Variants in IFNLR1 observed in about 807,000 individuals in gnomAD.
IFNLR1 encodes the protein interferon lambda receptor 1, also known as CRF2-12.
A neutral mutation model predicts 52.5 loss-of-function variants in IFNLR1; 28 were observed. The observed-to-expected ratio is 0.53, with a 90% confidence interval of 0.40 to 0.73. The LOEUF is 0.73. Among genes scored for constraint, IFNLR1 ranks in the 30% least tolerant of loss-of-function variants. The probability of loss-of-function intolerance (pLI) is 0.00; values close to 1 mark genes in which losing one functional copy is unlikely to be tolerated. For missense variants in IFNLR1, 623 were observed against 659.1 expected (o/e 0.95, Z 0.60); for synonymous variants, 276 against 274.9 (o/e 1.00, Z -0.04).
intron 3 of IFNLR1, among the ~76,000 whole-genome samples, chr1:24,164,989 C>T (rs1354361527): frequency 6.6e-6 from 1 of 152,156 alleles, no homozygotes; most frequent in African/African-American, 2.4e-5. Flanking sequence ...TCTCAAACTC[C>T]TGACCTCAGG....
At position 24,157,518 on chromosome 1, in the gene IFNLR1, C is replaced by CT. The variant is rs774236929; in HGVS notation, c.1174dup (p.Ser392LysfsTer18). ...CCTGTCCCAGGAGGAGTCCACAGTGCTGGCCCAGCTTCTGTCTGAAGAATC... is the reference window on the plus strand; with the variant it reads ...CCTGTCCCAGGAGGAGTCCACAGTGCTTGGCCCAGCTTCTGTCTGAAGAATC... On this transcript the variant is annotated frameshift_variant, in exon 7 of 7. Coordinates refer to ENST00000327535, the MANE Select transcript of IFNLR1 (RefSeq NM_170743.4). LOFTEE classifies it high-confidence loss of function. This position sits in a 1 kb window ranked among gnomAD's most constrained non-coding sequence, Gnocchi z 5.1. 6.2e-7 allele frequency: 1 copy of CT among 1,611,394 alleles called. No individual in the cohort carries two copies.
chr1:24,166,193 CCA>C (rs1416682804), intron 3 of IFNLR1, among the ~76,000 whole-genome samples: 5 of 151,870 alleles, frequency 3.3e-5, no homozygotes, highest in African/African-American at 1.2e-4. Flanking sequence ...ATCCATCCAT[CCA>C]TCCATCCATC....
rs550470036 is a variant in IFNLR1, at chr1:24,154,938, T to G, written c.*2192A>C. 1 of 152,286 alleles carries G rather than the reference T, an allele frequency of 6.6e-6. No homozygotes were observed. Among genetic ancestry groups the G allele is most frequent in the African/African-American group, 2.4e-5 (1 of 41,544 alleles). The allele number at this position is 152,286 out of a possible 1,614,324, so 9.4% of individuals were successfully genotyped here. A position where few individuals can be genotyped will look rare whatever the true frequency, so the allele number is the denominator to read the frequency against. ...CAAAACAAAACAAAAATGGTAAGGT[T>G]TAAGAATAGAAACGGAGTGGTTATT... On this transcript the variant is annotated 3_prime_UTR_variant, in exon 7 of 7. Coordinates refer to ENST00000327535, the MANE Select transcript of IFNLR1 (RefSeq NM_170743.4).
intron 2 of IFNLR1, among the ~76,000 whole-genome samples, chr1:24,172,189 A>G (rs1644587843): frequency 6.6e-6 from 1 of 152,244 alleles, no homozygotes; most frequent in Non-Finnish European, 1.5e-5. Context: ...ATCACCAAAT[A>G]ACACAAATGA....
chr1:24,178,492 C>T (rs955333286), intron 2 of IFNLR1, among the ~76,000 whole-genome samples: 8 of 152,064 alleles, frequency 5.3e-5, no homozygotes, highest in South Asian at 2.1e-4. Context: ...AACATCTTGT[C>T]GTAATGGACA....
At chr1:24,179,127 TTTG>T (rs1402521567) in intron 2 of IFNLR1, among the ~76,000 whole-genome samples, 1 of 151,952 alleles carries the variant, frequency 6.6e-6, no homozygotes, top group Non-Finnish European at 1.5e-5. Flanking sequence ...ATTTTTTTTT[TTTG>T]TAGAGACAGG....
chr1:24,157,597 C>T lies in IFNLR1; in HGVS notation c.1096G>A (p.Asp366Asn). Reference sequence around the variant, plus strand: ...AGAGGAGCCCTGGGCCTCCCTGAGTCCACCCCACCAGCCTCCGAGTGCCCT... The same window carrying T: ...AGAGGAGCCCTGGGCCTCCCTGAGTTCACCCCACCAGCCTCCGAGTGCCCT... The part of the protein sequence containing the change: ...APGHSEAGGV[D>N]SGRPRAPLVP... The change falls in exon 7 of 7, where the codon GAC (aspartate) becomes AAC (asparagine). Residue 366 changes from aspartate (D) to asparagine (N), a missense_variant. By Grantham distance (23) the Asp-to-Asn change is conservative. Transcript: ENST00000327535. This position sits in a 1 kb window ranked among gnomAD's most constrained non-coding sequence, Gnocchi z 5.1. 6.2e-7 allele frequency: 1 copy of T among 1,610,736 alleles called. No homozygotes were observed. The highest frequency in any genetic ancestry group is 8.5e-7 in the Non-Finnish European group (1 of 1,178,540).
At chr1:24,173,548 C>T (rs1259727544) in intron 2 of IFNLR1, among the ~76,000 whole-genome samples, 1 of 152,128 alleles carries the variant, frequency 6.6e-6, no homozygotes, top group Non-Finnish European at 1.5e-5. Context: ...TAATAGTACA[C>T]ATTCATTACC....
At chr1:24,167,575 G>A (rs1644532324) in intron 3 of IFNLR1, among the ~76,000 whole-genome samples, 1 of 152,042 alleles carries the variant, frequency 6.6e-6, no homozygotes, top group South Asian at 2.1e-4. Flanking sequence ...AGTAGAGACA[G>A]GGTTTCACCA....
intron 2 of IFNLR1, among the ~76,000 whole-genome samples, chr1:24,174,700 A>C (rs1446281180): frequency 6.6e-6 from 1 of 152,208 alleles, no homozygotes; most frequent in African/African-American, 2.4e-5. Flanking sequence ...AAAGACATAA[A>C]CTTGGATGCT....
Position 24,187,203 on chromosome 1 carries a change from G to A in IFNLR1, c.46C>T (p.Gln16Ter). Residue 16 changes from glutamine to a stop codon, truncating the protein, a stop_gained, in exon 1 of 7, where the codon CAG becomes TAG. Transcript: ENST00000327535. LOFTEE classifies it high-confidence loss of function. ...CCCGCGCCCTTACCTGGAGCGGCCTGCAGCAGGCACAGGAGCAGGGGGCCC... is the reference window on the plus strand; with the variant it reads ...CCCGCGCCCTTACCTGGAGCGGCCTACAGCAGGCACAGGAGCAGGGGGCCC... ...RWGPLLLCLL[Q>*]AAPGRPRLAP... is the part of the protein sequence containing the mutation. 7.5e-7 allele frequency: 1 copy of A among 1,339,750 alleles called. No individual in the cohort carries two copies. Among genetic ancestry groups the A allele is most frequent in the Non-Finnish European group, 9.6e-7 (1 of 1,046,062 alleles). 83.0% of individuals were successfully genotyped at this position (1,339,750 alleles called of 1,614,324 possible). A position where few individuals can be genotyped will look rare whatever the true frequency, so the allele number is the denominator to read the frequency against.
Position 24,169,603 on chromosome 1 carries a change from T to G in IFNLR1, c.183-2A>C. On this transcript the variant is annotated splice_acceptor_variant, in intron 2 of 6. Transcript: ENST00000327535. LOFTEE classifies it high-confidence loss of function. The stretch of plus-strand genomic sequence containing the variant: ...CGCCACCGTCTACGGGTGGGAGAGC[T>G]GGGGGAGGAGAGAGGAGAGCTTGGG... The G allele has an allele frequency of 6.2e-7, 1 of 1,612,072 alleles. No homozygotes were observed. The highest frequency in any genetic ancestry group is 8.5e-7 in the Non-Finnish European group (1 of 1,178,980).
intron 2 of IFNLR1, among the ~76,000 whole-genome samples, chr1:24,179,678 C>T (rs1262465766): frequency 6.6e-6 from 1 of 152,186 alleles, no homozygotes; most frequent in Non-Finnish European, 1.5e-5. Context: ...AATCCCCTCA[C>T]CTCTAGAATG....
In IFNLR1 at chr1:24,155,891, A is replaced by G. The variant is rs1213144708; in HGVS notation, c.*1239T>C. The stretch of plus-strand genomic sequence containing the variant: ...GTGGGTGTAGGTTAACTGAGGATGC[A>G]TCAGCACCCCCAGGTAAGGATAGTC... On this transcript the variant is annotated 3_prime_UTR_variant, in exon 7 of 7. Coordinates refer to ENST00000327535, the MANE Select transcript of IFNLR1 (RefSeq NM_170743.4). 6.6e-6 allele frequency: 1 copy of G among 152,218 alleles called. No homozygotes were observed. Among genetic ancestry groups the G allele is most frequent in the Non-Finnish European group, 1.5e-5 (1 of 68,046 alleles). 9.4% of individuals were successfully genotyped at this position (152,218 alleles called of 1,614,324 possible).
intron 5 of IFNLR1, 84 bp from the exon 6 acceptor site, chr1:24,159,266 A>G (rs111707976): frequency 6.7e-7 from 1 of 1,502,710 alleles, no homozygotes; most frequent in Non-Finnish European, 9.2e-7. Flanking sequence ...CACATACATG[A>G]CCCTATTTAA....
rs1557643857 is a variant in IFNLR1, at chr1:24,162,766, TTCTTTCTTTCTTTTTCTTTC to T, written c.368-1102_368-1083del. On this transcript the variant is annotated intron_variant, in intron 3 of 6. Transcript: ENST00000327535. ...TTTCTTTCTTTCTTTCTTTCTTTCT[TTCTTTCTTTCTTTTTCTTTC>T]TTTTTCTTTCTTTCTTTTTTCTTTC... 4.7e-4 allele frequency among the ~76,000 whole-genome samples: 11 copies of T among 23,240 alleles called. 4 individuals are homozygous for T. The highest frequency in any genetic ancestry group is 2.0e-3 in the African/African-American group (11 of 5,472). The allele number at this position is 23,240 out of a possible 152,430, so 15.2% of individuals were successfully genotyped here.
intron 4 of IFNLR1, 93 bp from the exon 5 acceptor site, chr1:24,159,726 G>GTTTTTTTTTGTTTGTTT (rs1644421348): frequency 6.6e-6 from 5 of 762,686 alleles, no homozygotes; most frequent in Non-Finnish European, 9.9e-6. Context: ...ATGGTAGGGT[G>GTTTTTTTTTGTTTGTTT]TTTTTTTTTT....
At chr1:24,180,399 T>A (rs1644677009) in intron 2 of IFNLR1, among the ~76,000 whole-genome samples, 1 of 151,980 alleles carries the variant, frequency 6.6e-6, no homozygotes, top group African/African-American at 2.4e-5. Context: ...ACTGATCAGC[T>A]GGGACAGCTC....
intron 2 of IFNLR1, among the ~76,000 whole-genome samples, chr1:24,179,955 G>A (rs995351693): frequency 5.3e-5 from 8 of 152,148 alleles, no homozygotes; most frequent in Non-Finnish European, 8.8e-5. Context: ...CTCTGGATTC[G>A]CTGTGGCTGC....
Sources: allele counts gnomAD v4.1 joint callset (sites outside exome capture counted in the v4.1 genomes callset), GRCh38; gene constraint gnomAD v4.1.1; non-coding constraint Gnocchi (gnomAD v3.1); transcripts MANE v1.5; gene names NCBI Gene and HGNC (gene_info 2026-07-23, HGNC 2026-07-21).